Variants in CCSER1 observed in about 807,000 individuals in gnomAD.
CCSER1 encodes coiled-coil serine rich protein 1.
CCSER1 carries 41 observed loss-of-function variants against 82.0 expected under a neutral mutation model. That is an observed-to-expected ratio of 0.50 (90% CI 0.39 to 0.65). The LOEUF (loss-of-function observed/expected upper bound fraction) is 0.65, where lower values mean the gene tolerates loss of function less well. CCSER1 is among the 30% of genes least tolerant of loss of function. The probability of loss-of-function intolerance (pLI) is 0.00; values close to 1 mark genes in which losing one functional copy is unlikely to be tolerated. For missense variants in CCSER1, 1,119 were observed against 1,064.2 expected, an observed-to-expected ratio of 1.05 and a Z score of -0.72; for synonymous variants, 414 against 383.9, an observed-to-expected ratio of 1.08 and a Z score of -0.92.
chr4:91,039,358 T>A (rs548835334), intron 9 of CCSER1, among the ~76,000 whole-genome samples: 2 of 152,220 alleles, frequency 1.3e-5, no homozygotes, highest in South Asian at 4.1e-4. Context: ...CCATATTCTT[T>A]AAGCCCAACA....
intron 10 of CCSER1, among the ~76,000 whole-genome samples, chr4:91,282,236 A>G (rs989502583): frequency 6.6e-6 from 1 of 152,178 alleles, no homozygotes; most frequent in Non-Finnish European, 1.5e-5. Context: ...TGACTTCTAA[A>G]TCATGAATTA....
rs571004458 is a variant in CCSER1, at chr4:91,251,224, G to T, written c.2217+165230G>T. Among the ~76,000 whole-genome samples the T allele has an allele frequency of 6.6e-5, 10 of 152,256 alleles. No individual in the cohort carries two copies. The East Asian group carries it at 1.9e-3, about 29-fold the overall frequency. The stretch of plus-strand genomic sequence containing the variant: ...AGTCCAAGATCAGGGTGCCAGCATG[G>T]TTGGGTTCTAGTGAGGGCCTTGCTC... On this transcript the variant is annotated intron_variant, in intron 10 of 10. Transcript: ENST00000509176.
At chr4:91,520,804 C>A (rs1341404461) in intron 10 of CCSER1, among the ~76,000 whole-genome samples, 1 of 152,052 alleles carries the variant, frequency 6.6e-6, no homozygotes, top group Non-Finnish European at 1.5e-5. Flanking sequence ...TTGTAAGAGT[C>A]CTGTGTAACA....
intron 6 of CCSER1, among the ~76,000 whole-genome samples, chr4:90,655,444 ATTATC>A (rs938985696): frequency 1.3e-5 from 2 of 151,982 alleles, no homozygotes; most frequent in Non-Finnish European, 2.9e-5. Flanking sequence ...GAAGTTTTAA[ATTATC>A]TTTTCTTTCA....
intron 10 of CCSER1, among the ~76,000 whole-genome samples, chr4:91,179,195 T>C (rs1346762936): frequency 6.6e-6 from 1 of 152,222 alleles, no homozygotes; most frequent in Non-Finnish European, 1.5e-5. Context: ...TGGCTTCCCT[T>C]TGTGGGTAAC....
chr4:90,896,094 G>T (rs1256149423), intron 8 of CCSER1, among the ~76,000 whole-genome samples: 10 of 151,872 alleles, frequency 6.6e-5, no homozygotes, highest in Admixed American at 6.6e-4. Context: ...TTAGGAAAAA[G>T]AATTATTTGA....
At chr4:91,177,804 T>A (rs1333046141) in intron 10 of CCSER1, among the ~76,000 whole-genome samples, 1 of 152,208 alleles carries the variant, frequency 6.6e-6, no homozygotes, top group Non-Finnish European at 1.5e-5. Flanking sequence ...GTTTCTTGCA[T>A]CTCTATCTCC....
chr4:90,653,597 T>G, intron 6 of CCSER1, among the ~76,000 whole-genome samples: 1 of 152,274 alleles, frequency 6.6e-6, no homozygotes, highest in East Asian at 1.9e-4. Context: ...TGAAATATCT[T>G]ATTTTTTAAC....
intron 3 of CCSER1, among the ~76,000 whole-genome samples, chr4:90,368,572 A>C (rs1432671464): frequency 2.6e-5 from 4 of 151,832 alleles, no homozygotes; most frequent in African/African-American, 9.7e-5. Flanking sequence ...TTTGAGGCTG[A>C]AGTGAGCCAT....
intron 9 of CCSER1, among the ~76,000 whole-genome samples, chr4:90,976,378 T>C (rs566208207): frequency 2.4e-4 from 37 of 151,428 alleles, no homozygotes; most frequent in African/African-American, 8.2e-4. Context: ...TTTTTGTATG[T>C]AAAATTTTAA....
At chr4:90,780,844 G>C in intron 7 of CCSER1, 1 of 979,120 alleles carries the variant, frequency 1.0e-6, no homozygotes, top group Non-Finnish European at 1.2e-6. Context: ...GTATTAGGCT[G>C]TTCTTGCATG....
chr4:91,454,730 GTCTA>G (rs1009358169), intron 10 of CCSER1, among the ~76,000 whole-genome samples: 18 of 151,920 alleles, frequency 1.2e-4, no homozygotes, highest in African/African-American at 3.1e-4. Flanking sequence ...TTATTCAAGA[GTCTA>G]TCTAAGTATA....
intron 10 of CCSER1, among the ~76,000 whole-genome samples, chr4:91,553,289 C>G (rs1464709188): frequency 2.6e-5 from 4 of 151,230 alleles, no homozygotes; most frequent in Admixed American, 6.6e-5. Flanking sequence ...GCCTGTTAAG[C>G]TCTACTTGCC....
At chr4:90,397,909 G>A (rs1030611923) in intron 3 of CCSER1, among the ~76,000 whole-genome samples, 1 of 152,168 alleles carries the variant, frequency 6.6e-6, no homozygotes, top group African/African-American at 2.4e-5. Flanking sequence ...TATTTCCTTT[G>A]TTCTGTCCTT....
intron 10 of CCSER1, among the ~76,000 whole-genome samples, chr4:91,413,720 T>C (rs1020482461): frequency 6.6e-6 from 1 of 151,926 alleles, no homozygotes; most frequent in Non-Finnish European, 1.5e-5. Flanking sequence ...CTAAGCAAGA[T>C]AAATTTAAAA....
At chr4:90,285,338 T>C (rs1052758454) in intron 1 of CCSER1, among the ~76,000 whole-genome samples, 3 of 152,074 alleles carry the variant, frequency 2.0e-5, no homozygotes, top group Non-Finnish European at 4.4e-5. Context: ...TGTTTTATAG[T>C]TTCCATTGTA....
chr4:90,252,564 A>G (rs1363440142), intron 1 of CCSER1, among the ~76,000 whole-genome samples: 2 of 151,832 alleles, frequency 1.3e-5, no homozygotes, highest in Non-Finnish European at 2.9e-5. Context: ...CATGTAATTC[A>G]TAATAATCAC....
chr4:90,528,124 C>T (rs1255536398), intron 5 of CCSER1, among the ~76,000 whole-genome samples: 2 of 152,062 alleles, frequency 1.3e-5, no homozygotes, highest in East Asian at 3.9e-4. Flanking sequence ...ACAGACTTCC[C>T]CTGTCCAAGG....
chr4:91,401,279 C>T (rs1021525902), intron 10 of CCSER1, among the ~76,000 whole-genome samples: 17 of 148,422 alleles, frequency 1.1e-4, no homozygotes, highest in Admixed American at 2.7e-4. Flanking sequence ...TACTATGCTA[C>T]ATAGATATAC....
Sources: allele counts gnomAD v4.1 joint callset (sites outside exome capture counted in the v4.1 genomes callset), GRCh38; gene constraint gnomAD v4.1.1; transcripts MANE v1.5; gene names NCBI Gene and HGNC (gene_info 2026-07-23, HGNC 2026-07-21).